Variants in ELF1 observed in about 807,000 individuals in gnomAD.
ELF1 encodes the protein E74 like ETS transcription factor 1, also known as ETS-related transcription factor Elf-1.
A neutral mutation model predicts 59.9 loss-of-function variants in ELF1; 24 were observed. The ratio of observed to expected loss-of-function variants is 0.40; its 90% CI spans 0.29 to 0.56. The LOEUF is 0.56. ELF1 is among the 20% of genes least tolerant of loss of function. The pLI, the probability that ELF1 is intolerant of heterozygous loss-of-function variation, is 0.44. For missense variants in ELF1, 627 were observed against 742.2 expected, an observed-to-expected ratio of 0.84 and a Z score of 1.80; for synonymous variants, 248 against 266.2, an observed-to-expected ratio of 0.93 and a Z score of 0.67.
intron 2 of ELF1, among the ~76,000 whole-genome samples, chr13:40,976,005 T>G (rs1193841813): frequency 6.6e-6 from 1 of 152,210 alleles, no homozygotes; most frequent in Non-Finnish European, 1.5e-5. Flanking sequence ...AACGTGAGAC[T>G]GATAATAAGC....
upstream of ELF1, among the ~76,000 whole-genome samples, chr13:41,021,557 T>C (rs1875690574): frequency 6.6e-6 from 1 of 152,008 alleles, no homozygotes; most frequent in Admixed American, 6.6e-5. Flanking sequence ...TCTACTTGGG[T>C]TTCAATCCCA....
intron 1 of ELF1, among the ~76,000 whole-genome samples, chr13:40,998,122 G>C (rs2138325283): frequency 6.6e-6 from 1 of 152,206 alleles, no homozygotes; most frequent in East Asian, 1.9e-4. Context: ...ACTCCAGCCT[G>C]GAAGACAGAG....
intron 1 of ELF1, among the ~76,000 whole-genome samples, chr13:41,010,314 G>A (rs1026751222): frequency 1.3e-5 from 2 of 150,946 alleles, no homozygotes; most frequent in Admixed American, 1.3e-4. Flanking sequence ...AAATTTGCAC[G>A]TCATAGTGGT....
chr13:40,933,701 G>C lies in ELF1; in HGVS notation c.1584C>G (p.Phe528Leu). The C allele has an allele frequency of 1.2e-6, 2 of 1,614,290 alleles. No homozygotes were observed. Among genetic ancestry groups the C allele is most frequent in the Non-Finnish European group, 1.7e-6 (2 of 1,180,052 alleles). Reference protein sequence around the residue: ...GTVSVASSPSFSATAPVVTFS... With the variant: ...GTVSVASSPSLSATAPVVTFS... ...AGGTCACCACAGGTGCAGTAGCACTGAAGGATGGAGAGGAAGCCACACTGA... is the reference window on the plus strand; with the variant it reads ...AGGTCACCACAGGTGCAGTAGCACTCAAGGATGGAGAGGAAGCCACACTGA... The change falls in exon 9 of 9, where the codon TTC becomes TTG. Residue 528 changes from phenylalanine to leucine, a missense_variant. Around this residue, in one of 3 missense-constraint regions of ELF1, gnomAD observed 361 missense variants for 396.1 expected, o/e 0.91. Coordinates refer to ENST00000239882, the MANE Select transcript of ELF1 (RefSeq NM_172373.4).
At chr13:40,996,566 C>T (rs1180810921) in intron 1 of ELF1, among the ~76,000 whole-genome samples, 5 of 152,134 alleles carry the variant, frequency 3.3e-5, no homozygotes, top group Admixed American at 2.6e-4. Flanking sequence ...ATGTACACCA[C>T]CATAAGTGAA....
intron 1 of ELF1, among the ~76,000 whole-genome samples, chr13:41,012,946 T>C (rs1320184335): frequency 6.6e-6 from 1 of 152,232 alleles, no homozygotes; most frequent in Non-Finnish European, 1.5e-5. Context: ...TGCTTTTATA[T>C]GCATAATTGG....
chr13:41,011,874 C>T (rs908117785), intron 1 of ELF1, among the ~76,000 whole-genome samples: 4 of 152,008 alleles, frequency 2.6e-5, no homozygotes, highest in Admixed American at 6.5e-5. Context: ...ACTACAGGTG[C>T]ATCTCAGTGC....
chr13:41,035,896 T>C (rs1490167613), intron 1 of ELF1, among the ~76,000 whole-genome samples: 5 of 129,556 alleles, frequency 3.9e-5, no homozygotes, highest in African/African-American at 1.0e-4. Flanking sequence ...AAAAACCTTT[T>C]CTTTTTTTCT....
chr13:40,936,783 A>G (rs968328884), intron 8 of ELF1, among the ~76,000 whole-genome samples: 91 of 150,448 alleles, frequency 6.0e-4, no homozygotes, highest in African/African-American at 2.2e-3. Context: ...AAAAAGAAAA[A>G]AAAGAAAAAA....
chr13:40,932,324 AC>A lies in ELF1; in HGVS notation c.*1100del, dbSNP rs886560283. ...GATATATATGTTATCTTTGTATGCA[AC>A]CCCCCCCAAGTCCGCCCCCAGTAAA... On this transcript the variant is annotated 3_prime_UTR_variant, in exon 9 of 9. Transcript: ENST00000239882. The A allele has an allele frequency of 2.8e-4, 41 of 147,618 alleles. No individual in the cohort carries two copies. The highest frequency in any genetic ancestry group is 3.4e-3 in the Middle Eastern group (1 of 294). 9.1% of individuals were successfully genotyped at this position (147,618 alleles called of 1,614,324 possible).
chr13:40,981,216 C>A (rs9315797), intron 2 of ELF1, among the ~76,000 whole-genome samples: 27,999 of 151,940 alleles, frequency 0.18, 2,760 homozygotes, highest in East Asian at 0.26. Context: ...CTGTCTGAGT[C>A]TCTCCAACAC....
intron 3 of ELF1, among the ~76,000 whole-genome samples, chr13:40,952,043 T>C (rs982734841): frequency 6.6e-6 from 1 of 152,264 alleles, no homozygotes; most frequent in African/African-American, 2.4e-5. Flanking sequence ...AATTGACTGA[T>C]ACATTTCTTA....
chr13:40,971,409 C>G (rs1290295541), intron 2 of ELF1, among the ~76,000 whole-genome samples: 10 of 152,104 alleles, frequency 6.6e-5, no homozygotes, highest in Non-Finnish European at 1.5e-5. Flanking sequence ...AGGCAGGCAC[C>G]ACAACACCCA....
Position 40,992,041 on chromosome 13 carries a change from T to C in ELF1, c.-228-9759A>G, listed in dbSNP as rs1449389213. ...AAAAATAGGGGAAAGTGCATTAAAA[T>C]GACATTTAATACAAGCATAAAATAA... On this transcript the variant is annotated intron_variant, in intron 1 of 8. Transcript: ENST00000239882. Among the ~76,000 whole-genome samples the C allele has an allele frequency of 2.0e-5, 3 of 152,234 alleles. No homozygotes were observed. The East Asian group carries it at 5.8e-4, about 29-fold the overall frequency.
intron 4 of ELF1, among the ~76,000 whole-genome samples, chr13:40,950,869 T>C (rs915650506): frequency 3.3e-5 from 5 of 152,240 alleles, no homozygotes; most frequent in Admixed American, 2.0e-4. Flanking sequence ...TAATTTACTT[T>C]ATGAATTTGA....
intron 1 of ELF1, among the ~76,000 whole-genome samples, chr13:41,043,419 A>C (rs1876707098): frequency 6.6e-6 from 1 of 152,166 alleles, no homozygotes; most frequent in South Asian, 2.1e-4. Context: ...GTTTTCTTCT[A>C]GGGTTTTTAT....
intron 8 of ELF1, 58 bp downstream of exon 8, chr13:40,940,863 A>G: frequency 1.3e-6 from 2 of 1,491,446 alleles, no homozygotes; most frequent in Non-Finnish European, 1.8e-6. Flanking sequence ...CTTAACAAAT[A>G]ATGTCTCTGG....
intron 2 of ELF1, among the ~76,000 whole-genome samples, chr13:40,974,028 A>T (rs927678536): frequency 1.3e-5 from 2 of 152,220 alleles, no homozygotes; most frequent in African/African-American, 4.8e-5. Context: ...AGTGGGGAAG[A>T]ATAGGTCATG....
chr13:40,976,759 C>T (rs967389656), intron 2 of ELF1, among the ~76,000 whole-genome samples: 1 of 152,020 alleles, frequency 6.6e-6, no homozygotes, highest in Non-Finnish European at 1.5e-5. Context: ...AGGCTGGTCT[C>T]GAACTCCTGC....
Sources: gnomAD v4.1 joint callset for allele counts (sites outside exome capture counted in the v4.1 genomes callset) on GRCh38, gnomAD v4.1.1 for gene constraint, gnomAD v4.1.1 regional missense constraint, MANE v1.5 for transcripts, NCBI Gene and HGNC (gene_info 2026-07-23, HGNC 2026-07-21) for gene names.